The following BMPR1B variants were observed in gnomAD, a reference collection of about 807,000 sequenced individuals.
BMPR1B encodes bone morphogenetic protein receptor type 1B.
In BMPR1B, 12 loss-of-function variants were observed where a neutral mutation model predicts 59.1. The ratio of observed to expected loss-of-function variants is 0.20; its 90% confidence interval spans 0.13 to 0.33. The LOEUF is 0.33. BMPR1B is among the 10% of genes least tolerant of loss of function. The pLI is 1.00. For missense variants in BMPR1B, 550 were observed against 610.9 expected (o/e 0.90, Z 1.05); for synonymous variants, 237 against 207.3 (o/e 1.14, Z -1.23).
chr4:94,975,363 G>GTTTTTTTTTTTT (rs763655134), intron 2 of BMPR1B, among the ~76,000 whole-genome samples: 5 of 111,646 alleles, frequency 4.5e-5, no homozygotes, highest in Non-Finnish European at 7.0e-5. Flanking sequence ...TTTTGTTTTT[G>GTTTTTTTTTTTT]TTTTTTTTTT....
At chr4:94,932,402 T>A (rs1327232249) in intron 2 of BMPR1B, among the ~76,000 whole-genome samples, 1 of 152,202 alleles carries the variant, frequency 6.6e-6, no homozygotes, top group South Asian at 2.1e-4. Context: ...ATCACTATTC[T>A]TAGTTTAGGG....
chr4:94,954,384 C>T (rs1017349865), intron 2 of BMPR1B, among the ~76,000 whole-genome samples: 1 of 152,178 alleles, frequency 6.6e-6, no homozygotes, highest in African/African-American at 2.4e-5. Context: ...ACTATACAAA[C>T]TCTGCAGCTT....
chr4:95,023,483 G>A (rs1373634943), intron 3 of BMPR1B, among the ~76,000 whole-genome samples: 1 of 152,044 alleles, frequency 6.6e-6, no homozygotes, highest in African/African-American at 2.4e-5. Context: ...CTAGACCCAA[G>A]AAAGCCTTCT....
rs1313808319 is a variant in BMPR1B at position 95,152,674 on chromosome 4, T to A, written c.1284T>A (p.His428Gln). Residue 428 changes from histidine to glutamine, a missense_variant, in exon 12 of 13, where the codon CAT (histidine) becomes CAA (glutamine). Transcript: ENST00000515059. ...TGGAAGAATACCAGCTTCCTTATCA[T>A]GACCTAGTGCCCAGTGACCCCTCTT... Reference protein sequence around the residue: ...GIVEEYQLPYHDLVPSDPSYE... With the variant: ...GIVEEYQLPYQDLVPSDPSYE... 1.3e-6 allele frequency: 2 copies of A among 1,576,554 alleles called. No homozygotes were observed. The highest frequency in any genetic ancestry group is 2.7e-5 in the African/African-American group (2 of 73,944).
At chr4:94,982,730 C>T (rs937093799) in intron 2 of BMPR1B, among the ~76,000 whole-genome samples, 9 of 152,122 alleles carry the variant, frequency 5.9e-5, no homozygotes, top group East Asian at 1.9e-4. Flanking sequence ...CGGTGGCTCA[C>T]GCCTGTAATC....
intron 1 of BMPR1B, among the ~76,000 whole-genome samples, chr4:94,865,280 G>A (rs1726170976): frequency 6.6e-6 from 1 of 151,650 alleles, no homozygotes; most frequent in South Asian, 2.1e-4. Flanking sequence ...TAATCTTCAA[G>A]TTTTATGGAT....
intron 2 of BMPR1B, among the ~76,000 whole-genome samples, chr4:94,967,158 A>G (rs1730584510): frequency 6.6e-6 from 1 of 152,206 alleles, no homozygotes; most frequent in Non-Finnish European, 1.5e-5. Flanking sequence ...TATGGAATTA[A>G]GGGATAGTTT....
At chr4:94,782,686 T>G (rs1205480304) in intron 1 of BMPR1B, among the ~76,000 whole-genome samples, 1 of 152,194 alleles carries the variant, frequency 6.6e-6, no homozygotes, top group African/African-American at 2.4e-5. Context: ...GATGAGACAT[T>G]ATCATCACAT....
At position 95,059,898 on chromosome 4, in the gene BMPR1B, T is replaced by C. The variant is rs368111664; in HGVS notation, c.-17-44510T>C. On this transcript the variant is annotated intron_variant, in intron 3 of 12. Coordinates refer to ENST00000515059, the MANE Select transcript of BMPR1B (RefSeq NM_001203.3). Reference sequence around the variant, plus strand: ...TTTGTGCAGTGTGGCAAAATAGACCTGAGTTCAGGATCAGGTGCTTTTCTG... The same window carrying C: ...TTTGTGCAGTGTGGCAAAATAGACCCGAGTTCAGGATCAGGTGCTTTTCTG... Among the ~76,000 whole-genome samples, 12 of 152,216 alleles carry C rather than the reference T, an allele frequency of 7.9e-5. No individual in the cohort carries two copies. In the East Asian group the frequency reaches 2.3e-3, roughly 29 times the overall value.
At chr4:94,982,253 A>C (rs1001230199) in intron 2 of BMPR1B, among the ~76,000 whole-genome samples, 2 of 152,200 alleles carry the variant, frequency 1.3e-5, no homozygotes, top group Admixed American at 6.5e-5. Context: ...GTTATTCTTA[A>C]AGAGAATTTA....
intron 1 of BMPR1B, among the ~76,000 whole-genome samples, chr4:94,849,425 G>A (rs541325257): frequency 1.3e-5 from 2 of 152,262 alleles, no homozygotes; most frequent in Admixed American, 6.5e-5. Flanking sequence ...CGAAGTATAG[G>A]CAGCAGATTT....
At chr4:95,011,239 C>T (rs1723206778) in intron 3 of BMPR1B, among the ~76,000 whole-genome samples, 1 of 152,004 alleles carries the variant, frequency 6.6e-6, no homozygotes, top group Admixed American at 6.6e-5. Context: ...TCCCTCCGCC[C>T]ACCCTCCACC....
At chr4:94,961,542 T>C (rs1361648211) in intron 2 of BMPR1B, among the ~76,000 whole-genome samples, 1 of 152,226 alleles carries the variant, frequency 6.6e-6, no homozygotes, top group East Asian at 1.9e-4. Context: ...TTCACTGCTT[T>C]ATTAAAAGCT....
intron 2 of BMPR1B, among the ~76,000 whole-genome samples, chr4:94,948,003 A>C (rs1245930504): frequency 2.0e-5 from 3 of 152,198 alleles, no homozygotes; most frequent in Admixed American, 2.0e-4. Flanking sequence ...TTCTTTATAT[A>C]TGCTAGCTCA....
intron 3 of BMPR1B, among the ~76,000 whole-genome samples, chr4:95,067,299 AAT>A (rs1349937056): frequency 6.6e-6 from 1 of 152,140 alleles, no homozygotes; most frequent in African/African-American, 2.4e-5. Flanking sequence ...TTTACTGTGT[AAT>A]TTTTTCCCAA....
In BMPR1B at chr4:95,103,413, A is replaced by G. The variant is rs144662505; in HGVS notation, c.-17-995A>G. On this transcript the variant is annotated intron_variant, in intron 3 of 12. Coordinates refer to ENST00000515059, the MANE Select transcript of BMPR1B (RefSeq NM_001203.3). ...TTAGATTTCACTATAGATAAGCTAAATGTGTTATGAGAGAGATTTTAAATT... is the reference window on the plus strand; with the variant it reads ...TTAGATTTCACTATAGATAAGCTAAGTGTGTTATGAGAGAGATTTTAAATT... The G allele has an allele frequency of 2.0e-4, 196 of 980,012 alleles. No individual in the cohort carries two copies. The African/African-American group carries it at 3.1e-3, about 16-fold the overall frequency. The allele number at this position is 980,012 out of a possible 1,614,324, so 60.7% of individuals were successfully genotyped here.
chr4:95,138,208 T>C (rs1733952032), intron 10 of BMPR1B, among the ~76,000 whole-genome samples: 2 of 152,226 alleles, frequency 1.3e-5, no homozygotes, highest in Non-Finnish European at 2.9e-5. Context: ...TGAACATTCT[T>C]TTCTTTAAGA....
In BMPR1B at chr4:95,154,969, T is replaced by G; in HGVS notation, c.*296T>G. The G allele has an allele frequency of 2.8e-6, 1 of 353,536 alleles. No homozygotes were observed. The highest frequency in any genetic ancestry group is 5.9e-5 in the East Asian group (1 of 16,810). 21.9% of individuals were successfully genotyped at this position (353,536 alleles called of 1,614,324 possible). A position where few individuals can be genotyped will look rare whatever the true frequency, so the allele number is the denominator to read the frequency against. ...CCTGTATTTTGTGATTGCCTTTTTT[T>G]TTTTTTAAGATGCTTTCATTTTGCC... On this transcript the variant is annotated 3_prime_UTR_variant, in exon 13 of 13. Coordinates refer to ENST00000515059, the MANE Select transcript of BMPR1B (RefSeq NM_001203.3).
chr4:94,985,581 A>G (rs972521632), intron 2 of BMPR1B, among the ~76,000 whole-genome samples: 3 of 151,478 alleles, frequency 2.0e-5, no homozygotes, highest in Non-Finnish European at 4.4e-5. Context: ...ACAAAAATAT[A>G]TATGCCCTAA....
Sources: allele counts gnomAD v4.1 joint callset (sites outside exome capture counted in the v4.1 genomes callset), GRCh38; gene constraint gnomAD v4.1.1; transcripts MANE v1.5; gene names NCBI Gene and HGNC (gene_info 2026-07-23, HGNC 2026-07-21).